ZNF699: variants seen among roughly 807,000 people sequenced by gnomAD.
The protein encoded by ZNF699 is hangover homolog.
Under a neutral mutation model 22.5 loss-of-function variants are expected in ZNF699, and 18 were observed. The ratio of observed to expected loss-of-function variants is 0.80; its 90% CI spans 0.55 to 1.19. The LOEUF (loss-of-function observed/expected upper bound fraction) is 1.19. ZNF699 is among the 50% of genes most tolerant of loss of function. The pLI, the probability that ZNF699 is intolerant of heterozygous loss-of-function variation, is 0.00. For missense variants in ZNF699, 670 were observed against 763.4 expected (o/e 0.88, Z 1.44); for synonymous variants, 241 against 262.3 (o/e 0.92, Z 0.78).
intron 3 of ZNF699, among the ~76,000 whole-genome samples, chr19:9,301,905 CTTTTTTT>C (rs199823792): frequency 3.5e-5 from 5 of 142,548 alleles, no homozygotes; most frequent in African/African-American, 1.0e-4. Flanking sequence ...TTTCTTTTTT[CTTTTTTT>C]TTTTTTTGAG....
rs1243139596 is a variant in ZNF699, at chr19:9,296,698, C to T, written c.706G>A (p.Ala236Thr). Residue 236 changes from alanine to threonine, a missense_variant, in exon 6 of 6, where the codon GCT (alanine) becomes ACT (threonine). Coordinates refer to ENST00000591998, the MANE Select transcript of ZNF699 (RefSeq NM_198535.3). ...KECGKAFHFL[A>T]CFKKHMKTPT... ...GTTTTCATATGCTTCTTGAAACAAG[C>T]AAGAAAATGGAAGGCCTTCCCACAT... The T allele has an allele frequency of 6.3e-7, 1 of 1,596,292 alleles. No homozygotes were observed. The highest frequency in any genetic ancestry group is 8.5e-7 in the Non-Finnish European group (1 of 1,173,804).
chr19:9,294,182 A>G lies in ZNF699; in HGVS notation c.*1293T>C, dbSNP rs1159231996. The G allele has an allele frequency of 2.0e-5, 3 of 152,252 alleles. No homozygotes were observed. Among genetic ancestry groups the G allele is most frequent in the African/African-American group, 7.2e-5 (3 of 41,468 alleles). The allele number at this position is 152,252 out of a possible 1,614,324, so 9.4% of individuals were successfully genotyped here. Reference sequence around the variant, plus strand: ...TGGCAATGCCAGAGCTTGCTAGAAAATCCAAGAAGCTGTATCTGGTGATAG... The same window carrying G: ...TGGCAATGCCAGAGCTTGCTAGAAAGTCCAAGAAGCTGTATCTGGTGATAG... On this transcript the variant is annotated 3_prime_UTR_variant, in exon 6 of 6. Coordinates refer to ENST00000591998, the MANE Select transcript of ZNF699 (RefSeq NM_198535.3).
At chr19:9,299,228 G>A in intron 3 of ZNF699, among the ~76,000 whole-genome samples, 1 of 152,186 alleles carries the variant, frequency 6.6e-6, no homozygotes, top group Non-Finnish European at 1.5e-5. Context: ...TCTGCCTCCT[G>A]GGTTCACGCC....
At chr19:9,308,913 C>T (rs2066337141) in intron 1 of ZNF699, among the ~76,000 whole-genome samples, 1 of 152,168 alleles carries the variant, frequency 6.6e-6, no homozygotes, top group Admixed American at 6.5e-5. Flanking sequence ...TCAAATGCAT[C>T]ATTAATGACA....
chr19:9,299,527 T>G (rs1295625718), intron 3 of ZNF699, among the ~76,000 whole-genome samples: 2 of 151,974 alleles, frequency 1.3e-5, no homozygotes, highest in African/African-American at 2.4e-5. Context: ...AGCCTCAAAC[T>G]CCTGGACTCA....
chr19:9,295,962 C>T lies in ZNF699; in HGVS notation c.1442G>A (p.Gly481Glu). 1 of 1,614,006 alleles carries T rather than the reference C, an allele frequency of 6.2e-7. No individual in the cohort carries two copies. The highest frequency in any genetic ancestry group is 8.5e-7 in the Non-Finnish European group (1 of 1,179,988). ...GKIQYECKEC[G>E]KTFSRSSSLT... ...GGATGAGGAACGACTAAAGGTCTTC[C>T]CACACTCCTTACATTCATACTGTAT... The change falls in exon 6 of 6, where the codon GGG (glycine) becomes GAG (glutamate). Residue 481 changes from glycine to glutamate, a missense_variant. Transcript: ENST00000591998.
chr19:9,294,086 G>A lies in ZNF699; in HGVS notation c.*1389C>T, dbSNP rs930985276. ...GCTCTTGCTTTTGAGACTTGCGAAC[G>A]TATTTTTCCCCATGAATAGCATGAC... On this transcript the variant is annotated 3_prime_UTR_variant, in exon 6 of 6. Transcript: ENST00000591998. Among the ~76,000 whole-genome samples the A allele has an allele frequency of 1.3e-5, 2 of 152,112 alleles. No homozygotes were observed. The highest frequency in any genetic ancestry group is 2.9e-5 in the Non-Finnish European group (2 of 68,016).
At position 9,293,969 on chromosome 19, in the gene ZNF699, G is replaced by T. The variant is rs2066275744; in HGVS notation, c.*1506C>A. Among the ~76,000 whole-genome samples, 1 of 150,732 alleles carries T rather than the reference G, an allele frequency of 6.6e-6. No individual in the cohort carries two copies. The highest frequency in any genetic ancestry group is 1.5e-5 in the Non-Finnish European group (1 of 67,804). ...GCAGTAAAATCTTTCCTGTTTAAAG[G>T]TGTCAAGTATAAATCTTCCTCCATT... On this transcript the variant is annotated 3_prime_UTR_variant, in exon 6 of 6. Transcript: ENST00000591998.
chr19:9,303,527 C>A (rs956256392), intron 2 of ZNF699, among the ~76,000 whole-genome samples: 4 of 152,290 alleles, frequency 2.6e-5, no homozygotes, highest in East Asian at 1.9e-4. Context: ...AGATTCCATG[C>A]CCTCTCCTGG....
At chr19:9,304,721 T>C (rs111305530) in intron 2 of ZNF699, among the ~76,000 whole-genome samples, 6,332 of 152,116 alleles carry the variant, frequency 0.042, 373 homozygotes, top group African/African-American at 0.14. Flanking sequence ...GTCAGGAGAT[T>C]GAGACCATCC....
intron 1 of ZNF699, among the ~76,000 whole-genome samples, chr19:9,307,959 A>C (rs992389131): frequency 2.6e-5 from 4 of 152,102 alleles, no homozygotes; most frequent in African/African-American, 9.7e-5. Context: ...AAAAAAAAAA[A>C]AAAATCGGTA....
At chr19:9,301,093 AC>A (rs2066305437) in intron 3 of ZNF699, among the ~76,000 whole-genome samples, 1 of 151,722 alleles carries the variant, frequency 6.6e-6, no homozygotes, top group Non-Finnish European at 1.5e-5. Flanking sequence ...TCAGCTGTGA[AC>A]CTAAAATTGC....
At chr19:9,304,084 G>C (rs2066318228) in intron 2 of ZNF699, among the ~76,000 whole-genome samples, 1 of 152,086 alleles carries the variant, frequency 6.6e-6, no homozygotes, top group South Asian at 2.1e-4. Flanking sequence ...GCCTCCCAAA[G>C]TGCTGGGATT....
At chr19:9,302,017 C>T (rs1323370252) in intron 3 of ZNF699, among the ~76,000 whole-genome samples, 1 of 151,970 alleles carries the variant, frequency 6.6e-6, no homozygotes, top group African/African-American at 2.4e-5. Flanking sequence ...ATTCTCCTGC[C>T]TCAGCCTCCC....
intron 3 of ZNF699, among the ~76,000 whole-genome samples, chr19:9,300,807 G>A (rs79062150): frequency 0.02 from 3,081 of 152,306 alleles, 47 homozygotes; most frequent in Non-Finnish European, 0.032. Context: ...GGGATGAATT[G>A]ATAGAGCACA....
chr19:9,296,990 GTA>G (rs1242694843), intron 5 of ZNF699, 57 bp from the exon 6 acceptor site: 2 of 1,386,798 alleles, frequency 1.4e-6, no homozygotes, highest in African/African-American at 1.5e-5. Context: ...TTCAGTGAAT[GTA>G]TATGTTTTCT....
intron 3 of ZNF699, among the ~76,000 whole-genome samples, 195 bp from the exon 4 acceptor site, chr19:9,298,185 C>A (rs966775644): frequency 6.1e-5 from 9 of 148,340 alleles, no homozygotes; most frequent in African/African-American, 2.2e-4. Context: ...CGGTGACTCA[C>A]GCCTGTAATC....
In ZNF699 at chr19:9,297,291, C is replaced by T. The variant is rs1488418282; in HGVS notation, c.470+5G>A. 6.3e-7 allele frequency: 1 copy of T among 1,575,876 alleles called. No individual in the cohort carries two copies. Among genetic ancestry groups the T allele is most frequent in the Admixed American group, 2.2e-5 (1 of 46,474 alleles). ...CACTTTCTCTTTCTCACGAATGGCA[C>T]TCACCTCAAATGTCTCTCATGGCTT... On this transcript the variant is annotated splice_donor_5th_base_variant and intron_variant, in intron 5 of 5. Transcript: ENST00000591998. This position sits in a 1 kb window ranked among gnomAD's most constrained non-coding sequence, Gnocchi z 4.3.
At chr19:9,303,821 C>CT (rs144086110) in intron 2 of ZNF699, among the ~76,000 whole-genome samples, 4,757 of 136,154 alleles carry the variant, frequency 0.035, 101 homozygotes, top group African/African-American at 0.068. Flanking sequence ...AAATTGTTTT[C>CT]TTTTTTTTTT....
Sources: gnomAD v4.1 joint callset for allele counts (sites outside exome capture counted in the v4.1 genomes callset) on GRCh38, gnomAD v4.1.1 for gene constraint, Gnocchi (gnomAD v3.1) non-coding constraint, MANE v1.5 for transcripts, NCBI Gene and HGNC (gene_info 2026-07-23, HGNC 2026-07-21) for gene names.